Variants in TUBB4B observed in about 807,000 individuals in gnomAD.
TUBB4B encodes the protein tubulin beta 4B class IVb, also known as tubulin beta-4B chain.
Under a neutral mutation model 34.3 loss-of-function variants are expected in TUBB4B, and 7 were observed. The ratio of observed to expected loss-of-function variants is 0.20; its 90% confidence interval spans 0.12 to 0.38. The LOEUF is 0.38. TUBB4B is among the 10% of genes least tolerant of loss of function. The pLI is 1.00. For synonymous variants in TUBB4B, 390 were observed against 250.2 expected, an observed-to-expected ratio of 1.56 and a Z score of -5.27; for missense variants, 178 against 610.9, an observed-to-expected ratio of 0.29 and a Z score of 7.47.
Position 137,241,330 on chromosome 9 carries a change from C to T in TUBB4B, c.-31C>T, listed in dbSNP as rs369754071. 9.4e-5 allele frequency: 149 copies of T among 1,591,440 alleles called. No individual in the cohort carries two copies. The highest frequency in any genetic ancestry group is 2.3e-4 in the South Asian group (21 of 90,082). ...TCTTCTGCTGCTGTTTGTCTACTTC[C>T]TCCTGCTTCCCCGCCGCCGCCGCCG... On this transcript the variant is annotated 5_prime_UTR_variant, in exon 1 of 4. Coordinates refer to ENST00000340384, the MANE Select transcript of TUBB4B (RefSeq NM_006088.6).
chr9:137,243,445 C>G lies in TUBB4B; in HGVS notation c.1227C>G (p.Thr409=). The part of the protein sequence containing the change: ...TGEGMDEMEF[T]EAESNMNDLV... ...AGGGCATGGACGAGATGGAGTTCAC[C>G]GAGGCCGAGAGCAACATGAATGACC... is the stretch of plus-strand genomic sequence containing the variant. The change falls in exon 4 of 4, where the codon ACC becomes ACG. Residue 409 remains threonine, a synonymous_variant. Transcript: ENST00000340384. 1 of 1,613,682 alleles carries G rather than the reference C, an allele frequency of 6.2e-7. No individual in the cohort carries two copies. The highest frequency in any genetic ancestry group is 8.5e-7 in the Non-Finnish European group (1 of 1,180,024).
intron 3 of TUBB4B, chr9:137,242,246 C>A: frequency 1.5e-6 from 1 of 656,738 alleles, no homozygotes; most frequent in Non-Finnish European, 2.6e-6. Context: ...GGGGCAGTGG[C>A]TGTTCCTCTG....
At chr9:137,241,850 C>T (rs1459725617) in intron 2 of TUBB4B, 21 bp downstream of exon 2, 1 of 1,612,116 alleles carries the variant, frequency 6.2e-7, no homozygotes. Context: ...GGCCCCTTCC[C>T]CGACCGCCCT....
At position 137,243,030 on chromosome 9, in the gene TUBB4B, C is replaced by T. The variant is rs1836789438; in HGVS notation, c.812C>T (p.Ala271Val). The change falls in exon 4 of 4, where the codon GCC (alanine) becomes GTC (valine). Residue 271 changes from alanine (A) to valine (V), a missense_variant. Ala to Val is a moderately conservative substitution (Grantham distance 64). Coordinates refer to ENST00000340384, the MANE Select transcript of TUBB4B (RefSeq NM_006088.6). ...PRLHFFMPGF[A>V]PLTSRGSQQY... ...CTGCACTTCTTCATGCCCGGCTTTG[C>T]CCCACTGACCAGCCGGGGCAGCCAG... is the stretch of plus-strand genomic sequence containing the variant. The T allele has an allele frequency of 6.2e-7, 1 of 1,612,754 alleles. No individual in the cohort carries two copies. Among genetic ancestry groups the T allele is most frequent in the Admixed American group, 1.7e-5 (1 of 59,990 alleles).
rs754647141 is a variant in TUBB4B, at chr9:137,243,526, CGAGGAGGAGGCT to C, written c.1319_1330del (p.Ala440_Glu443del). On this transcript the variant is annotated inframe_deletion, in exon 4 of 4. Coordinates refer to ENST00000340384, the MANE Select transcript of TUBB4B (RefSeq NM_006088.6). Reference sequence around the variant, plus strand: ...CCACAGCCGAGGAGGAGGGCGAGTTCGAGGAGGAGGCTGAGGAGGAGGTGGCCTAGAGCCTTC... The same window carrying C: ...CCACAGCCGAGGAGGAGGGCGAGTTCGAGGAGGAGGTGGCCTAGAGCCTTC... 11 of 1,613,722 alleles carry C rather than the reference CGAGGAGGAGGCT, an allele frequency of 6.8e-6. No individual in the cohort carries two copies. Among genetic ancestry groups the C allele is most frequent in the African/African-American group, 2.7e-5 (2 of 74,908 alleles).
rs1390063224 is a variant in TUBB4B at position 137,241,835 on chromosome 9, G to A, written c.166+6G>A. ...GTACTACAATGAGGCCACCGGTGAG[G>A]CCCCGGCCCCTTCCCCGACCGCCCT... On this transcript the variant is annotated splice_donor_region_variant and intron_variant, in intron 2 of 3. Transcript: ENST00000340384. The A allele has an allele frequency of 1.2e-5, 20 of 1,612,084 alleles. No homozygotes were observed. The Admixed American group carries it at 3.3e-4, about 27-fold the overall frequency.
At chr9:137,242,304 G>C in intron 3 of TUBB4B, 192 bp from the exon 4 acceptor site, 2 of 740,502 alleles carry the variant, frequency 2.7e-6, no homozygotes, top group Non-Finnish European at 4.3e-6. Flanking sequence ...TTGTTAAGCT[G>C]TCAGGTTTGG....
At chr9:137,242,175 C>G (rs1836762779) in intron 3 of TUBB4B, 154 bp downstream of exon 3, 2 of 795,260 alleles carry the variant, frequency 2.5e-6, no homozygotes, top group Non-Finnish European at 4.0e-6. Context: ...GGAGCAAGGT[C>G]CAGCTGTCTG....
intron 1 of TUBB4B, 24 bp from the exon 2 acceptor site, chr9:137,241,697 C>T (rs773733729): frequency 8.7e-6 from 14 of 1,600,114 alleles, no homozygotes; most frequent in Non-Finnish European, 1.2e-5. Flanking sequence ...CCGGCCCGCC[C>T]GGGCCCGCCC....
At position 137,241,896 on chromosome 9, in the gene TUBB4B, C is replaced by T. The variant is rs879794274; in HGVS notation, c.167-15C>T. On this transcript the variant is annotated splice_polypyrimidine_tract_variant and intron_variant, in intron 2 of 3. Transcript: ENST00000340384. ...CGCGGCCCCTGCCTTGGCTGACGCC[C>T]TCCCGTCCCCGCAGGCGGCAAGTAC... The T allele has an allele frequency of 1.5e-5, 24 of 1,610,914 alleles. No individual in the cohort carries two copies. Among genetic ancestry groups the T allele is most frequent in the African/African-American group, 2.7e-5 (2 of 74,878 alleles).
In TUBB4B at chr9:137,243,680, ACAC is replaced by A. The variant is rs1564427590; in HGVS notation, c.*130_*132del. ...CCCTGTCCACATCCATGCTGTACAG[ACAC>A]CACCATTAAAGCATTTTCATAGTGT... On this transcript the variant is annotated 3_prime_UTR_variant, in exon 4 of 4. Coordinates refer to ENST00000340384, the MANE Select transcript of TUBB4B (RefSeq NM_006088.6). The A allele has an allele frequency of 1.9e-6, 3 of 1,614,058 alleles. No homozygotes were observed. Among genetic ancestry groups the A allele is most frequent in the East Asian group, 2.2e-5 (1 of 44,894 alleles).
At chr9:137,242,126 TCTC>T in intron 3 of TUBB4B, 105 bp downstream of exon 3, 1 of 1,132,304 alleles carries the variant, frequency 8.8e-7, no homozygotes. Context: ...GCCCTCCTCT[TCTC>T]TGAGCCACTC....
At position 137,242,434 on chromosome 9, in the gene TUBB4B, A is replaced by C; in HGVS notation, c.278-62A>C. On this transcript the variant is annotated intron_variant, in intron 3 of 3. Coordinates refer to ENST00000340384, the MANE Select transcript of TUBB4B (RefSeq NM_006088.6). Reference sequence around the variant, plus strand: ...CACCATGTCACTCGGCTTTTTTCGCATGGCGGTGACCAGTAGTGCTGTCTA... The same window carrying C: ...CACCATGTCACTCGGCTTTTTTCGCCTGGCGGTGACCAGTAGTGCTGTCTA... 4 of 1,564,946 alleles carry C rather than the reference A, an allele frequency of 2.6e-6. No individual in the cohort carries two copies. In the South Asian group the frequency reaches 3.6e-5, roughly 14 times the overall value.
In TUBB4B at chr9:137,241,734, T is replaced by C. The variant is rs1223948378; in HGVS notation, c.71T>C (p.Ile24Thr). The change falls in exon 2 of 4, where the codon ATC (isoleucine) becomes ACC (threonine). Residue 24 changes from isoleucine to threonine, a missense_variant. Coordinates refer to ENST00000340384, the MANE Select transcript of TUBB4B (RefSeq NM_006088.6). ...NQIGAKFWEV[I>T]SDEHGIDPTG... ...CGTCCCTTGTAGTTTTGGGAGGTGA[T>C]CAGCGATGAGCACGGCATCGACCCC... 3 of 1,611,430 alleles carry C rather than the reference T, an allele frequency of 1.9e-6. No individual in the cohort carries two copies. Among genetic ancestry groups the C allele is most frequent in the Non-Finnish European group, 2.5e-6 (3 of 1,179,262 alleles).
At position 137,241,356 on chromosome 9, in the gene TUBB4B, C is replaced by CCAT; in HGVS notation, c.-1_2dup. The CCAT allele has an allele frequency of 1.2e-6, 2 of 1,601,614 alleles. No individual in the cohort carries two copies. The highest frequency in any genetic ancestry group is 1.7e-6 in the Non-Finnish European group (2 of 1,177,460). ...TCCTGCTTCCCCGCCGCCGCCGCCG[C>CCAT]CATCATGAGGGAAATCGTGCACTTG... On this transcript the variant is annotated 5_prime_UTR_variant, in exon 1 of 4. Coordinates refer to ENST00000340384, the MANE Select transcript of TUBB4B (RefSeq NM_006088.6).
intron 1 of TUBB4B, 116 bp downstream of exon 1, chr9:137,241,533 C>T (rs1037066231): frequency 4.0e-5 from 40 of 994,256 alleles, no homozygotes; most frequent in African/African-American, 2.1e-4. Flanking sequence ...CCGCCGGGCC[C>T]CCTCCGCGGG....
Position 137,243,034 on chromosome 9 carries a change from A to T in TUBB4B, c.816A>T (p.Pro272=), listed in dbSNP as rs764905454. 3 of 1,612,686 alleles carry T rather than the reference A, an allele frequency of 1.9e-6. No individual in the cohort carries two copies. Among genetic ancestry groups the T allele is most frequent in the East Asian group, 4.5e-5 (2 of 44,864 alleles). Residue 272 remains proline, a synonymous_variant, in exon 4 of 4, where the codon CCA becomes CCT. Coordinates refer to ENST00000340384, the MANE Select transcript of TUBB4B (RefSeq NM_006088.6). Reference sequence around the variant, plus strand: ...ACTTCTTCATGCCCGGCTTTGCCCCACTGACCAGCCGGGGCAGCCAGCAGT... The same window carrying T: ...ACTTCTTCATGCCCGGCTTTGCCCCTCTGACCAGCCGGGGCAGCCAGCAGT... ...RLHFFMPGFA[P]LTSRGSQQYR...
At chr9:137,242,434 ATGGCGGTGACCAGTAG>A in intron 3 of TUBB4B, 46 bp from the exon 4 acceptor site, 1 of 1,564,946 alleles carries the variant, frequency 6.4e-7, no homozygotes, top group Non-Finnish European at 8.7e-7. Flanking sequence ...CTTTTTTCGC[ATGGCGGTGACCAGTAG>A]TGCTGTCTAC....
At chr9:137,242,459 A>C (rs769266944) in intron 3 of TUBB4B, 37 bp from the exon 4 acceptor site, 2 of 1,597,106 alleles carry the variant, frequency 1.3e-6, no homozygotes, top group South Asian at 2.2e-5. Flanking sequence ...AGTGCTGTCT[A>C]CCTGGCTGAC....
Sources: gnomAD v4.1 joint callset for allele counts on GRCh38, gnomAD v4.1.1 for gene constraint, MANE v1.5 for transcripts, NCBI Gene and HGNC (gene_info 2026-07-23, HGNC 2026-07-21) for gene names.